ADCY10: variants seen among roughly 807,000 people sequenced by gnomAD.
The protein encoded by ADCY10 is adenylate cyclase 10.
A neutral mutation model predicts 183.3 loss-of-function variants in ADCY10; 156 were observed. That is an observed-to-expected ratio of 0.85 (90% confidence interval 0.75 to 0.97). The LOEUF (loss-of-function observed/expected upper bound fraction) is 0.97. Ranked by LOEUF, ADCY10 falls within the 50% of genes least tolerant of loss-of-function variation. The pLI is 0.00. For synonymous variants in ADCY10, 645 were observed against 670.0 expected, an observed-to-expected ratio of 0.96 and a Z score of 0.58; for missense variants, 1,745 against 1,934.3, an observed-to-expected ratio of 0.90 and a Z score of 1.84.
At chr1:167,841,502 C>CTTTTTTTTTTTTT (rs71100905) in intron 21 of ADCY10, among the ~76,000 whole-genome samples, 5 of 90,902 alleles carry the variant, frequency 5.5e-5, no homozygotes, top group Admixed American at 1.3e-4. Context: ...ATATGCTTTC[C>CTTTTTTTTTTTTT]TTTTTTTTTT....
rs773121370 is a variant in ADCY10 at position 167,893,956 on chromosome 1, G to C, written c.740-15C>G. On this transcript the variant is annotated splice_polypyrimidine_tract_variant and intron_variant, in intron 7 of 32. Transcript: ENST00000367851. ...CCTCAGGAGGTCTAAGAAGGCAGAA[G>C]GAGGGTGCAGGCTCAGAGAGGGAAG... 33 of 1,600,784 alleles carry C rather than the reference G, an allele frequency of 2.1e-5. No individual in the cohort carries two copies. The highest frequency in any genetic ancestry group is 2.8e-5 in the Non-Finnish European group (33 of 1,168,390).
chr1:167,818,740 T>C (rs1246685496), intron 30 of ADCY10, among the ~76,000 whole-genome samples: 1 of 152,204 alleles, frequency 6.6e-6, no homozygotes, highest in African/African-American at 2.4e-5. Context: ...GGTTTCACCA[T>C]GTTGGCTAGG....
intron 18 of ADCY10, among the ~76,000 whole-genome samples, chr1:167,850,662 C>T (rs1037289213): frequency 1.5e-4 from 13 of 87,894 alleles, no homozygotes; most frequent in African/African-American, 6.5e-4. Context: ...AAAAGGGGGC[C>T]GTGTGTGTGT....
chr1:167,874,011 T>C (rs1320752155), intron 13 of ADCY10, among the ~76,000 whole-genome samples: 3 of 151,776 alleles, frequency 2.0e-5, no homozygotes, highest in South Asian at 2.1e-4. Context: ...AGTTGAAAAA[T>C]AGGTGAAAAA....
At chr1:167,876,033 G>T (rs1378616516) in intron 12 of ADCY10, among the ~76,000 whole-genome samples, 2 of 152,152 alleles carry the variant, frequency 1.3e-5, no homozygotes, top group Non-Finnish European at 2.9e-5. Context: ...GAGGCAGGTG[G>T]ATCATCTGAG....
intron 21 of ADCY10, 30 bp from the exon 22 acceptor site, chr1:167,837,348 T>C (rs781303068): frequency 6.4e-7 from 1 of 1,570,134 alleles, no homozygotes; most frequent in East Asian, 2.2e-5. Context: ...GTTGTATGGG[T>C]CATTGAAATG....
intron 13 of ADCY10, 103 bp from the exon 14 acceptor site, chr1:167,870,513 C>T: frequency 9.2e-7 from 1 of 1,081,608 alleles, no homozygotes; most frequent in South Asian, 1.4e-5. Context: ...TATCCTTGGG[C>T]CAGGCGCTGT....
intron 24 of ADCY10, among the ~76,000 whole-genome samples, chr1:167,833,534 T>G (rs561521109): frequency 1.3e-5 from 2 of 152,106 alleles, no homozygotes; most frequent in East Asian, 1.9e-4. Context: ...TCACTTGAGG[T>G]CAGGAGTTTG....
intron 28 of ADCY10, among the ~76,000 whole-genome samples, chr1:167,823,645 G>A (rs781337768): frequency 6.6e-6 from 1 of 152,128 alleles, no homozygotes; most frequent in Non-Finnish European, 1.5e-5. Flanking sequence ...GCAGTGGATA[G>A]GATGAGGTTC....
intron 1 of ADCY10, among the ~76,000 whole-genome samples, chr1:167,905,939 A>G (rs1016415616): frequency 1.3e-5 from 2 of 152,248 alleles, no homozygotes; most frequent in Non-Finnish European, 2.9e-5. Flanking sequence ...CAGCCTGAAC[A>G]GTAAAAGCAA....
At chr1:167,820,929 A>G (rs955525743) in intron 30 of ADCY10, 5 of 152,246 alleles carry the variant, frequency 3.3e-5, no homozygotes, top group African/African-American at 1.2e-4. Context: ...ACACAGCAAG[A>G]CTGTCTCAGA....
intron 23 of ADCY10, 128 bp downstream of exon 23, chr1:167,836,181 C>T (rs1664175042): frequency 2.8e-6 from 2 of 719,448 alleles, no homozygotes; most frequent in Non-Finnish European, 5.1e-6. Context: ...ATGTGATTTT[C>T]AGTGGAAAGG....
At position 167,836,345 on chromosome 1, in the gene ADCY10, A is replaced by G; in HGVS notation, c.3273T>C (p.Ile1091=). The G allele has an allele frequency of 6.2e-7, 1 of 1,614,044 alleles. No individual in the cohort carries two copies. The highest frequency in any genetic ancestry group is 8.5e-7 in the Non-Finnish European group (1 of 1,179,914). ...NDKALYYFLE[I]ASAYLIFCDN... ...CACAAAAGATGAGATAAGCAGATGC[A>G]ATTTCTAAGAAGTAATATAAGGCTT... Residue 1091 remains isoleucine, a synonymous_variant, in exon 23 of 33, where the codon ATT becomes ATC. Coordinates refer to ENST00000367851, the MANE Select transcript of ADCY10 (RefSeq NM_018417.6).
chr1:167,848,123 A>C (rs1470826030), intron 19 of ADCY10, among the ~76,000 whole-genome samples: 3 of 151,470 alleles, frequency 2.0e-5, no homozygotes, highest in Non-Finnish European at 4.4e-5. Context: ...GCTGGAGTGC[A>C]GTGGCTCACT....
chr1:167,870,048 A>G (rs1470058325), intron 14 of ADCY10, among the ~76,000 whole-genome samples: 1 of 152,244 alleles, frequency 6.6e-6, no homozygotes, highest in Non-Finnish European at 1.5e-5. Context: ...TCCTGGCATT[A>G]AATCAGGATA....
chr1:167,865,280 T>A (rs1666601392), intron 14 of ADCY10, among the ~76,000 whole-genome samples: 1 of 152,176 alleles, frequency 6.6e-6, no homozygotes, highest in South Asian at 2.1e-4. Flanking sequence ...AGTTTTAAAA[T>A]GTTAATTGTA....
intron 31 of ADCY10, among the ~76,000 whole-genome samples, chr1:167,815,825 A>G (rs1421588699): frequency 2.0e-5 from 3 of 152,178 alleles, no homozygotes; most frequent in Non-Finnish European, 4.4e-5. Context: ...GGAAATCCTA[A>G]GAACAAAAAA....
chr1:167,886,104 T>C (rs1024133761), intron 8 of ADCY10, among the ~76,000 whole-genome samples: 1 of 152,114 alleles, frequency 6.6e-6, no homozygotes, highest in African/African-American at 2.4e-5. Flanking sequence ...ATCAATATCA[T>C]GAAAATGGCC....
rs1571286985 is a variant in ADCY10, at chr1:167,846,149, C to G, written c.2552G>C (p.Cys851Ser). Residue 851 changes from cysteine to serine, a missense_variant, in exon 20 of 33, where the codon TGT becomes TCT. Cys to Ser is a moderately radical substitution (Grantham distance 112). Transcript: ENST00000367851. ...TTELLFEILP[C>S]WNMKMMIKTL... ...CTTGATCATCATCTTCATATTCCAA[C>G]AGGGGAGAATCTCAAACAACAACTC... 7.4e-6 allele frequency: 12 copies of G among 1,614,186 alleles called. No individual in the cohort carries two copies. In the East Asian group the frequency reaches 2.7e-4, roughly 36 times the overall value.
Sources: allele counts gnomAD v4.1 joint callset (sites outside exome capture counted in the v4.1 genomes callset), GRCh38; gene constraint gnomAD v4.1.1; transcripts MANE v1.5; gene names NCBI Gene and HGNC (gene_info 2026-07-23, HGNC 2026-07-21).